Variants in SLMAP observed in about 807,000 individuals in gnomAD.
SLMAP encodes the protein sarcolemmal membrane-associated protein.
A neutral mutation model predicts 128.8 loss-of-function variants in SLMAP; 44 were observed. That is an observed-to-expected ratio of 0.34 (90% CI 0.27 to 0.44). The LOEUF is 0.44. Among genes scored for constraint, SLMAP ranks in the 20% least tolerant of loss-of-function variants. The pLI, the probability that SLMAP is intolerant of heterozygous loss-of-function variation, is 1.00. For synonymous variants in SLMAP, 327 were observed against 348.8 expected (o/e 0.94, Z 0.70); for missense variants, 787 against 985.3 (o/e 0.80, Z 2.69).
At chr3:57,792,817 A>C (rs914729889) in intron 2 of SLMAP, among the ~76,000 whole-genome samples, 1 of 152,180 alleles carries the variant, frequency 6.6e-6, no homozygotes, top group Non-Finnish European at 1.5e-5. Flanking sequence ...AGTCTGGGCT[A>C]CATTATGTTT....
At chr3:57,843,308 T>TC (rs1251098807) in intron 4 of SLMAP, among the ~76,000 whole-genome samples, 4 of 88,324 alleles carry the variant, frequency 4.5e-5, no homozygotes, top group Non-Finnish European at 7.3e-5. Flanking sequence ...TCTTTTCCTT[T>TC]TTTTTTTTTT....
At chr3:57,877,090 G>C (rs958881019) in intron 14 of SLMAP, among the ~76,000 whole-genome samples, 2 of 151,336 alleles carry the variant, frequency 1.3e-5, no homozygotes, top group African/African-American at 4.9e-5. Context: ...ATCCGTGTTT[G>C]TTATTATTAT....
intron 5 of SLMAP, among the ~76,000 whole-genome samples, chr3:57,848,598 C>T (rs1393969336): frequency 6.7e-6 from 1 of 148,426 alleles, no homozygotes; most frequent in Non-Finnish European, 1.5e-5. Context: ...CCTCTTCCTC[C>T]TTCCTCCTCC....
intron 2 of SLMAP, among the ~76,000 whole-genome samples, chr3:57,788,773 T>C (rs2084789663): frequency 6.6e-6 from 1 of 152,208 alleles, no homozygotes; most frequent in South Asian, 2.1e-4. Flanking sequence ...GGTAGGGGTC[T>C]GTCTCATCAA....
At chr3:57,842,458 T>G (rs1046400910) in intron 4 of SLMAP, among the ~76,000 whole-genome samples, 1 of 152,208 alleles carries the variant, frequency 6.6e-6, no homozygotes, top group African/African-American at 2.4e-5. Context: ...TTAGGAAGTT[T>G]AATATAACTT....
At chr3:57,815,993 A>G (rs1429403309) in intron 2 of SLMAP, among the ~76,000 whole-genome samples, 1 of 152,192 alleles carries the variant, frequency 6.6e-6, no homozygotes, top group Non-Finnish European at 1.5e-5. Flanking sequence ...AACCTTTACA[A>G]CAAACATTCT....
At chr3:57,856,569 G>A (rs2094801235) in intron 6 of SLMAP, among the ~76,000 whole-genome samples, 1 of 151,970 alleles carries the variant, frequency 6.6e-6, no homozygotes, top group African/African-American at 2.4e-5. Flanking sequence ...GGTCTTCAGG[G>A]GCAGTAACAT....
chr3:57,770,642 C>A (rs1052465739), intron 2 of SLMAP, among the ~76,000 whole-genome samples: 1 of 152,112 alleles, frequency 6.6e-6, no homozygotes, highest in Non-Finnish European at 1.5e-5. Flanking sequence ...AGATATGTGA[C>A]CTTGGGGAGT....
intron 2 of SLMAP, among the ~76,000 whole-genome samples, chr3:57,763,812 A>G (rs559354231): frequency 6.6e-6 from 1 of 152,344 alleles, no homozygotes; most frequent in Admixed American, 6.5e-5. Flanking sequence ...GTGGATAGAT[A>G]AGAAAAGGTG....
chr3:57,889,682 C>T (rs577999612), intron 14 of SLMAP, among the ~76,000 whole-genome samples: 2 of 151,166 alleles, frequency 1.3e-5, no homozygotes, highest in East Asian at 3.9e-4. Context: ...ATTTTTATTA[C>T]TTCTTCATTT....
chr3:57,788,937 C>T (rs1275623936), intron 2 of SLMAP, among the ~76,000 whole-genome samples: 1 of 152,056 alleles, frequency 6.6e-6, no homozygotes, highest in Non-Finnish European at 1.5e-5. Flanking sequence ...AAGTTATTTC[C>T]ATAAGAAAGG....
chr3:57,794,315 A>G (rs1179982063), intron 2 of SLMAP, among the ~76,000 whole-genome samples: 3 of 152,188 alleles, frequency 2.0e-5, no homozygotes, highest in Non-Finnish European at 4.4e-5. Context: ...AGTTACCACA[A>G]AGACTTTGTC....
Position 57,865,240 on chromosome 3 carries a change from A to G in SLMAP, c.1187-2A>G. On this transcript the variant is annotated splice_acceptor_variant, in intron 12 of 24. Transcript: ENST00000671191. LOFTEE classifies it high-confidence loss of function. ...GGCAATGATATACTGTCTTAATCCT[A>G]GGGATACAAGTTGATGACTTCTTAC... 1 of 1,486,106 alleles carries G rather than the reference A, an allele frequency of 6.7e-7. No homozygotes were observed. The allele number at this position is 1,486,106 out of a possible 1,614,324, so 92.1% of individuals were successfully genotyped here. A position where few individuals can be genotyped will look rare whatever the true frequency, so the allele number is the denominator to read the frequency against.
At chr3:57,826,979 A>G (rs940999955) in intron 2 of SLMAP, among the ~76,000 whole-genome samples, 1 of 152,124 alleles carries the variant, frequency 6.6e-6, no homozygotes, top group Non-Finnish European at 1.5e-5. Flanking sequence ...TTTGTTACAA[A>G]TGTTTCCCAT....
chr3:57,918,579 A>G (rs189405319), intron 22 of SLMAP: 1 of 152,112 alleles, frequency 6.6e-6, no homozygotes, highest in Non-Finnish European at 1.5e-5. Context: ...GTAATGTGAA[A>G]TTGCTCTCTT....
At chr3:57,825,205 G>A (rs891695752) in intron 2 of SLMAP, among the ~76,000 whole-genome samples, 6 of 149,776 alleles carry the variant, frequency 4.0e-5, no homozygotes, top group South Asian at 2.1e-4. Flanking sequence ...AGTTTACTTC[G>A]TCCTTTCCAA....
chr3:57,862,893 A>T (rs972353299), intron 10 of SLMAP, among the ~76,000 whole-genome samples: 2 of 152,182 alleles, frequency 1.3e-5, no homozygotes, highest in African/African-American at 4.8e-5. Context: ...ATTTAGCCCA[A>T]CCTCCATTAC....
intron 13 of SLMAP, among the ~76,000 whole-genome samples, chr3:57,867,296 C>T (rs898846951): frequency 2.0e-5 from 3 of 152,138 alleles, no homozygotes; most frequent in African/African-American, 4.8e-5. Context: ...TTAAGAGAAT[C>T]GTTTTATGTA....
chr3:57,760,577 C>T (rs549514075), intron 2 of SLMAP, among the ~76,000 whole-genome samples: 22 of 152,206 alleles, frequency 1.4e-4, no homozygotes, highest in East Asian at 3.9e-4. Flanking sequence ...AAATAGTTCT[C>T]GTATGAAATT....
Sources: allele counts gnomAD v4.1 joint callset (sites outside exome capture counted in the v4.1 genomes callset), GRCh38; gene constraint gnomAD v4.1.1; transcripts MANE v1.5; gene names NCBI Gene and HGNC (gene_info 2026-07-23, HGNC 2026-07-21).